Variants in SND1 observed in about 807,000 individuals in gnomAD.
SND1 encodes the protein staphylococcal nuclease domain-containing protein 1.
SND1 carries 38 observed loss-of-function variants against 121.7 expected under a neutral mutation model. That is an observed-to-expected ratio of 0.31 (90% confidence interval 0.24 to 0.41). The LOEUF (loss-of-function observed/expected upper bound fraction) is 0.41. Among genes scored for constraint, SND1 ranks in the 10% least tolerant of loss-of-function variants. The pLI is 1.00. For missense variants in SND1, 868 were observed against 1,184.6 expected (o/e 0.73, Z 3.92); for synonymous variants, 401 against 447.4 (o/e 0.90, Z 1.31).
At chr7:127,700,828 A>T (rs1331461439) in intron 4 of SND1, among the ~76,000 whole-genome samples, 3 of 152,170 alleles carry the variant, frequency 2.0e-5, no homozygotes, top group Non-Finnish European at 4.4e-5. Context: ...TGAATCCGGG[A>T]TGGTTAAATG....
chr7:127,694,341 A>G (rs1284414681), intron 2 of SND1, among the ~76,000 whole-genome samples: 1 of 152,210 alleles, frequency 6.6e-6, no homozygotes, highest in Non-Finnish European at 1.5e-5. Context: ...ACTGTTTTAG[A>G]AACTGGAAAG....
chr7:127,701,442 G>A (rs1796099346), intron 5 of SND1, 119 bp downstream of exon 5: 1 of 1,067,834 alleles, frequency 9.4e-7, no homozygotes, highest in Non-Finnish European at 1.3e-6. Flanking sequence ...AGTATCCATG[G>A]GAAATCCTTA....
intron 16 of SND1, among the ~76,000 whole-genome samples, chr7:128,065,383 G>A (rs1174433574): frequency 6.6e-6 from 1 of 152,250 alleles, no homozygotes; most frequent in Admixed American, 6.5e-5. Flanking sequence ...CCCATTGGGG[G>A]GGTCACAGGT....
At position 127,764,172 on chromosome 7, in the gene SND1, G is replaced by T. The variant is rs191608291; in HGVS notation, c.1152+42772G>T. On this transcript the variant is annotated intron_variant, in intron 10 of 23. Transcript: ENST00000354725. ...GATACAATTTTTTATGGGATAGTATGTAATTCTAAACTGAATATTAGCGAT... is the reference window on the plus strand; with the variant it reads ...GATACAATTTTTTATGGGATAGTATTTAATTCTAAACTGAATATTAGCGAT... Among the ~76,000 whole-genome samples, 9 of 152,144 alleles carry T rather than the reference G, an allele frequency of 5.9e-5. No individual in the cohort carries two copies. In the East Asian group the frequency reaches 1.2e-3, roughly 20 times the overall value.
At chr7:127,813,777 G>T (rs1798376306) in intron 11 of SND1, among the ~76,000 whole-genome samples, 1 of 152,152 alleles carries the variant, frequency 6.6e-6, no homozygotes, top group African/African-American at 2.4e-5. Flanking sequence ...TGGCCAGGCA[G>T]GTCTCAAACT....
chr7:128,074,686 A>G lies in SND1; in HGVS notation c.1964A>G (p.Glu655Gly), dbSNP rs1793476489. The change falls in exon 17 of 24, where the codon GAG (glutamate) becomes GGG (glycine). Residue 655 changes from glutamate to glycine, a missense_variant. This residue lies in a region of SND1 where 743 missense variants were observed against 1,071.3 expected (regional missense o/e 0.69). Coordinates refer to ENST00000354725, the MANE Select transcript of SND1 (RefSeq NM_014390.4). ...GAGGAGGCCGCAAAGCAGAAGAAAGAGAAGGTACATGTGGCAGCCCAGCTG... is the reference window on the plus strand; with the variant it reads ...GAGGAGGCCGCAAAGCAGAAGAAAGGGAAGGTACATGTGGCAGCCCAGCTG... ...SAEEAAKQKK[E>G]KVWAHYEEQP... The G allele has an allele frequency of 6.2e-7, 1 of 1,609,886 alleles. No homozygotes were observed. The highest frequency in any genetic ancestry group is 8.5e-7 in the Non-Finnish European group (1 of 1,178,096).
intron 11 of SND1, among the ~76,000 whole-genome samples, chr7:127,834,169 T>G (rs1798822483): frequency 6.6e-6 from 1 of 152,246 alleles, no homozygotes; most frequent in African/African-American, 2.4e-5. Flanking sequence ...GGTATTGAGA[T>G]ATCTCTTTAA....
chr7:128,001,722 G>A lies in SND1; in HGVS notation c.1779+10666G>A, dbSNP rs186245757. Among the ~76,000 whole-genome samples, 1,067 of 152,206 alleles carry A rather than the reference G, an allele frequency of 7.0e-3. 6 individuals carry two copies. Among genetic ancestry groups the A allele is most frequent in the Non-Finnish European group, 0.013 (864 of 68,000 alleles). ...CAAGGTGGGCCGATTACCTGAGATC[G>A]GGAGTTCAAGACCAACCTGACCAAC... On this transcript the variant is annotated intron_variant, in intron 16 of 23. Transcript: ENST00000354725.
intron 12 of SND1, among the ~76,000 whole-genome samples, chr7:127,877,054 T>C (rs1444684008): frequency 6.6e-6 from 1 of 152,108 alleles, no homozygotes; most frequent in Non-Finnish European, 1.5e-5. Flanking sequence ...CCCTAGATAT[T>C]TTGCTGACAT....
intron 3 of SND1, among the ~76,000 whole-genome samples, chr7:127,697,853 A>G (rs1796034315): frequency 6.6e-6 from 1 of 152,170 alleles, no homozygotes; most frequent in South Asian, 2.1e-4. Context: ...AATCTTACAG[A>G]ATTTTATTAT....
rs1347188066 is a variant in SND1 at position 128,074,559 on chromosome 7, A to G, written c.1837A>G (p.Ile613Val). 1.2e-6 allele frequency: 2 copies of G among 1,613,562 alleles called. No individual in the cohort carries two copies. The highest frequency in any genetic ancestry group is 1.7e-6 in the Non-Finnish European group (2 of 1,179,906). ...CGGCAACTTTATCGGCTGGCTGCAC[A>G]TCGACGGTGCCAACCTGTCCGTCCT... is the stretch of plus-strand genomic sequence containing the variant. ...KAGNFIGWLHIDGANLSVLLV... is the reference protein window; with the variant it reads ...KAGNFIGWLHVDGANLSVLLV... Residue 613 changes from isoleucine (I) to valine (V), a missense_variant, in exon 17 of 24, where the codon ATC becomes GTC. Transcript: ENST00000354725.
chr7:128,071,158 GA>G (rs58417697), intron 16 of SND1, among the ~76,000 whole-genome samples: 2,849 of 152,314 alleles, frequency 0.019, 103 homozygotes, highest in African/African-American at 0.065. Context: ...TTATGGAGAA[GA>G]TACATGTGTT....
intron 1 of SND1, among the ~76,000 whole-genome samples, chr7:127,681,330 T>C (rs184995887): frequency 3.5e-4 from 53 of 152,334 alleles, no homozygotes; most frequent in Admixed American, 7.8e-4. Context: ...TTACTTTAAT[T>C]GGGCTATTGT....
At chr7:127,792,525 G>T (rs935370777) in intron 10 of SND1, among the ~76,000 whole-genome samples, 1 of 152,150 alleles carries the variant, frequency 6.6e-6, no homozygotes, top group Non-Finnish European at 1.5e-5. Context: ...AGAACCCTAA[G>T]GGTAGCATGG....
intron 16 of SND1, among the ~76,000 whole-genome samples, chr7:128,040,051 C>G (rs568635043): frequency 6.6e-6 from 1 of 152,090 alleles, no homozygotes; most frequent in Non-Finnish European, 1.5e-5. Flanking sequence ...CCTGTCAGTC[C>G]CCAAATTTTG....
intron 16 of SND1, among the ~76,000 whole-genome samples, chr7:128,018,505 G>T: frequency 6.6e-6 from 1 of 152,194 alleles, no homozygotes; most frequent in East Asian, 1.9e-4. Context: ...CCACATATTT[G>T]AAGAGGTTTG....
chr7:127,803,076 T>A (rs1798164783), intron 10 of SND1, among the ~76,000 whole-genome samples: 1 of 152,208 alleles, frequency 6.6e-6, no homozygotes, highest in Non-Finnish European at 1.5e-5. Flanking sequence ...AAAGGCAAAA[T>A]AATTCTTTCA....
At chr7:128,026,284 C>T (rs1803475449) in intron 16 of SND1, among the ~76,000 whole-genome samples, 1 of 152,142 alleles carries the variant, frequency 6.6e-6, no homozygotes, top group South Asian at 2.1e-4. Flanking sequence ...ATCTTTGGTG[C>T]CTAGAACTGT....
chr7:128,035,850 G>A (rs959464631), intron 16 of SND1, among the ~76,000 whole-genome samples: 3 of 152,190 alleles, frequency 2.0e-5, no homozygotes, highest in Non-Finnish European at 2.9e-5. Flanking sequence ...GGGTTCCTTA[G>A]TAAAGCCCAA....
Sources: gnomAD v4.1 joint callset for allele counts (sites outside exome capture counted in the v4.1 genomes callset) on GRCh38, gnomAD v4.1.1 for gene constraint, gnomAD v4.1.1 regional missense constraint, MANE v1.5 for transcripts, NCBI Gene and HGNC (gene_info 2026-07-23, HGNC 2026-07-21) for gene names.